EIF5: variants seen among roughly 807,000 people sequenced by gnomAD.
EIF5 encodes eukaryotic translation initiation factor 5.
In EIF5, 10 loss-of-function variants were observed where a neutral mutation model predicts 48.3. The observed-to-expected ratio is 0.21, with a 90% CI of 0.13 to 0.35. The LOEUF (loss-of-function observed/expected upper bound fraction) is 0.35, where lower values mean the gene tolerates loss of function less well. Ranked by LOEUF, EIF5 falls within the 10% of genes least tolerant of loss-of-function variation. The probability of loss-of-function intolerance (pLI) is 1.00; values close to 1 mark genes in which losing one functional copy is unlikely to be tolerated. For synonymous variants in EIF5, 237 were observed against 173.1 expected (o/e 1.37, Z -2.90); for missense variants, 397 against 533.2 (o/e 0.74, Z 2.51).
intron 11 of EIF5, 69 bp downstream of exon 11, chr14:103,340,630 TGAG>T: frequency 4.5e-6 from 7 of 1,556,058 alleles, no homozygotes; most frequent in Non-Finnish European, 4.4e-6. Context: ...AAAAGGTTTG[TGAG>T]GAGTGATATA....
intron 9 of EIF5, 101 bp downstream of exon 9, chr14:103,339,434 G>C: frequency 6.7e-7 from 1 of 1,484,968 alleles, no homozygotes; most frequent in Non-Finnish European, 9.1e-7. Flanking sequence ...CTTGAAAGTG[G>C]GGAAATTGAC....
Position 103,336,799 on chromosome 14 carries a change from A to G in EIF5, c.277A>G (p.Ile93Val), listed in dbSNP as rs369879640. ...NKLQDMLDGF[I>V]KKFVLCPECE... ...GCTGCAAGACATGTTGGATGGATTC[A>G]TTAAAAAATTTGTTCTCTGTCCTGA... Residue 93 changes from isoleucine (I) to valine (V), a missense_variant, in exon 5 of 12, where the codon ATT becomes GTT. Around this residue, in one of 4 missense-constraint regions of EIF5, gnomAD observed 108 missense variants for 188.3 expected, o/e 0.57. Transcript: ENST00000216554. The G allele has an allele frequency of 2.5e-6, 4 of 1,614,126 alleles. No homozygotes were observed. The highest frequency in any genetic ancestry group is 1.7e-5 in the Admixed American group (1 of 60,002).
chr14:103,336,349 G>A (rs1336537498), intron 4 of EIF5, among the ~76,000 whole-genome samples: 1 of 152,188 alleles, frequency 6.6e-6, no homozygotes, highest in African/African-American at 2.4e-5. Context: ...TTGGAAGGCT[G>A]AGGCAAGCGG....
rs2140358139 is a variant in EIF5 at position 103,335,731 on chromosome 14, A to AT, written c.-124dup. 2.7e-6 allele frequency: 3 copies of AT among 1,095,100 alleles called. No individual in the cohort carries two copies. Among genetic ancestry groups the AT allele is most frequent in the East Asian group, 2.4e-5 (1 of 41,018 alleles). The allele number at this position is 1,095,100 out of a possible 1,614,324, so 67.8% of individuals were successfully genotyped here. On this transcript the variant is annotated 5_prime_UTR_variant, in exon 3 of 12. The change creates a premature stop within an existing upstream ORF in the 5' untranslated region. Coordinates refer to ENST00000216554, the MANE Select transcript of EIF5 (RefSeq NM_001969.5). Reference sequence around the variant, plus strand: ...GAAGCTTACAGCCTCAGTGGCGAAAATTTTTTCATGTCAGAGACCGAGAAC... The same window carrying AT: ...GAAGCTTACAGCCTCAGTGGCGAAAATTTTTTTCATGTCAGAGACCGAGAAC...
chr14:103,338,715 A>G lies in EIF5; in HGVS notation c.586-20A>G. The G allele has an allele frequency of 6.2e-7, 1 of 1,609,514 alleles. No individual in the cohort carries two copies. Among genetic ancestry groups the G allele is most frequent in the Non-Finnish European group, 8.5e-7 (1 of 1,178,324 alleles). On this transcript the variant is annotated intron_variant, in intron 7 of 11. Transcript: ENST00000216554. ...TTGTTTTTAAGGCCTTTGATCAAGT[A>G]GCTCTGTTTTCATAAACAGGAAGAA...
intron 2 of EIF5, chr14:103,335,043 C>T (rs1391226609): frequency 6.6e-6 from 1 of 152,248 alleles, no homozygotes; most frequent in Admixed American, 6.5e-5. Flanking sequence ...AGCGCGGTAG[C>T]CATGGGGACC....
At position 103,341,068 on chromosome 14, in the gene EIF5, C is replaced by T. The variant is rs750494701; in HGVS notation, c.*16C>T. Reference sequence around the variant, plus strand: ...TGCCATTTAAAGGGATGGATGCAACCTAGCTTAACAGTATAATGCTGCAAA... The same window carrying T: ...TGCCATTTAAAGGGATGGATGCAACTTAGCTTAACAGTATAATGCTGCAAA... On this transcript the variant is annotated 3_prime_UTR_variant, in exon 12 of 12. Coordinates refer to ENST00000216554, the MANE Select transcript of EIF5 (RefSeq NM_001969.5). The T allele has an allele frequency of 6.2e-7, 1 of 1,612,854 alleles. No individual in the cohort carries two copies. Among genetic ancestry groups the T allele is most frequent in the Admixed American group, 1.7e-5 (1 of 60,016 alleles).
intron 6 of EIF5, chr14:103,338,031 CAG>C (rs941064567): frequency 7.0e-6 from 4 of 570,258 alleles, no homozygotes; most frequent in Admixed American, 2.1e-5. Context: ...TGAGGGATGA[CAG>C]GGATCCTTAG....
At chr14:103,337,496 G>A (rs544419433) in intron 6 of EIF5, 24 of 433,990 alleles carry the variant, frequency 5.5e-5, no homozygotes, top group African/African-American at 3.6e-4. Flanking sequence ...CAGCTACTCC[G>A]GTAGCTGAGG....
chr14:103,343,416 A>C lies in EIF5; in HGVS notation c.*2364A>C, dbSNP rs1385638180. On this transcript the variant is annotated 3_prime_UTR_variant, in exon 12 of 12. Coordinates refer to ENST00000216554, the MANE Select transcript of EIF5 (RefSeq NM_001969.5). ...TTACTTGAAATCTTGGCAGGTGCTTAATAGGGAACATACATACAGCTATGT... is the reference window on the plus strand; with the variant it reads ...TTACTTGAAATCTTGGCAGGTGCTTCATAGGGAACATACATACAGCTATGT... The C allele has an allele frequency of 6.6e-6, 1 of 152,160 alleles. No homozygotes were observed. Among genetic ancestry groups the C allele is most frequent in the Non-Finnish European group, 1.5e-5 (1 of 68,044 alleles). 9.4% of individuals were successfully genotyped at this position (152,160 alleles called of 1,614,324 possible). A position where few individuals can be genotyped will look rare whatever the true frequency, so the allele number is the denominator to read the frequency against.
chr14:103,335,586 C>T (rs913232930), intron 2 of EIF5, 67 bp from the exon 3 acceptor site: 23 of 502,290 alleles, frequency 4.6e-5, no homozygotes, highest in Non-Finnish European at 6.4e-5. Flanking sequence ...AAAAAGGAGG[C>T]GTTTCCATCC....
At chr14:103,338,981 A>G (rs2089321642) in intron 8 of EIF5, 88 bp downstream of exon 8, 1 of 1,524,634 alleles carries the variant, frequency 6.6e-7, no homozygotes, top group Admixed American at 2.1e-5. Context: ...TGTAATTAGG[A>G]TTACTCTAAT....
At chr14:103,337,892 T>C (rs955097211) in intron 6 of EIF5, 3 of 521,666 alleles carry the variant, frequency 5.8e-6, no homozygotes, top group African/African-American at 1.9e-5. Flanking sequence ...CTGACACAAT[T>C]TGAGCTTGCT....
At chr14:103,338,683 TTTG>T (rs774883300) in intron 7 of EIF5, 49 bp from the exon 8 acceptor site, 55 of 1,584,572 alleles carry the variant, frequency 3.5e-5, no homozygotes, top group South Asian at 4.6e-5. Context: ...TCTGAACCTT[TTTG>T]TTGTTGTTTT....
chr14:103,341,274 GTTTC>G lies in EIF5; in HGVS notation c.*226_*229del. On this transcript the variant is annotated 3_prime_UTR_variant, in exon 12 of 12. Transcript: ENST00000216554. ...GATGTAGTTTGCTTATTTATAGCAT[GTTTC>G]TTTTTGAAAAACTAGTGGTGGACAC... 4.4e-6 allele frequency: 2 copies of G among 450,202 alleles called. No homozygotes were observed. Among genetic ancestry groups the G allele is most frequent in the Non-Finnish European group, 8.1e-6 (2 of 245,948 alleles). The allele number at this position is 450,202 out of a possible 1,614,324, so 27.9% of individuals were successfully genotyped here.
intron 6 of EIF5, chr14:103,337,453 C>G (rs904798638): frequency 5.7e-5 from 29 of 510,100 alleles, no homozygotes; most frequent in Non-Finnish European, 9.7e-5. Flanking sequence ...AACACAAAAA[C>G]TAGCTTAGCA....
Position 103,339,630 on chromosome 14 carries a change from T to C in EIF5, c.907-9T>C. 1 of 1,614,160 alleles carries C rather than the reference T, an allele frequency of 6.2e-7. No individual in the cohort carries two copies. Among genetic ancestry groups the C allele is most frequent in the Non-Finnish European group, 8.5e-7 (1 of 1,180,002 alleles). ...AAAAGATTGTTAACACCAAGGTGTCTATTTGCAGTTTTGTCACAACAACAA... is the reference window on the plus strand; with the variant it reads ...AAAAGATTGTTAACACCAAGGTGTCCATTTGCAGTTTTGTCACAACAACAA... On this transcript the variant is annotated splice_polypyrimidine_tract_variant and intron_variant, in intron 9 of 11. Transcript: ENST00000216554.
intron 11 of EIF5, 39 bp from the exon 12 acceptor site, chr14:103,340,924 T>C (rs746048370): frequency 6.3e-7 from 1 of 1,582,732 alleles, no homozygotes; most frequent in South Asian, 1.1e-5. Flanking sequence ...ATAAACAGAT[T>C]TATCAGCTTA....
In EIF5 at chr14:103,339,164, C is replaced by A. The variant is rs115589341; in HGVS notation, c.745-8C>A. Reference sequence around the variant, plus strand: ...CATTGCACTGAATTGTTTTCCTTTTCTTTGCAGAAAAAGAAAGAAGAGGGT... The same window carrying A: ...CATTGCACTGAATTGTTTTCCTTTTATTTGCAGAAAAAGAAAGAAGAGGGT... On this transcript the variant is annotated splice_region_variant and splice_polypyrimidine_tract_variant and intron_variant, in intron 8 of 11. Transcript: ENST00000216554. The A allele has an allele frequency of 1.3e-6, 2 of 1,599,956 alleles. No homozygotes were observed. The highest frequency in any genetic ancestry group is 1.4e-5 in the African/African-American group (1 of 73,688).
Sources: gnomAD v4.1 joint callset for allele counts (sites outside exome capture counted in the v4.1 genomes callset) on GRCh38, gnomAD v4.1.1 for gene constraint, gnomAD v4.1.1 regional missense constraint, MANE v1.5 for transcripts, NCBI Gene and HGNC (gene_info 2026-07-23, HGNC 2026-07-21) for gene names.